The following COX7A1 variants were observed in gnomAD, a reference collection of about 807,000 sequenced individuals.
COX7A1 encodes cytochrome c oxidase subunit 7A1, also known as cytochrome c oxidase subunit 7A1, mitochondrial.
Under a neutral mutation model 13.2 loss-of-function variants are expected in COX7A1, and 21 were observed. The observed-to-expected ratio is 1.59, with a 90% CI of 1.13 to 2.29. The LOEUF is 2.29. Ranked by LOEUF, COX7A1 falls within the 30% of genes most tolerant of loss-of-function variation. The pLI is 0.00. For missense variants in COX7A1, 107 were observed against 100.0 expected (o/e 1.07, Z -0.30); for synonymous variants, 41 against 41.9 (o/e 0.98, Z 0.08).
intron 2 of COX7A1, 24 bp downstream of exon 2, chr19:36,151,645 T>TGCCCCCCCCCCCCCCC: frequency 1.2e-5 from 16 of 1,387,578 alleles, no homozygotes; most frequent in Non-Finnish European, 1.5e-5. Flanking sequence ...GCGCGTCGGA[T>TGCCCCCCCCCCCCCCC]CCCCACCCCC....
chr19:36,151,321 T>C, intron 3 of COX7A1, 141 bp downstream of exon 3: 1 of 869,430 alleles, frequency 1.2e-6, no homozygotes, highest in Non-Finnish European at 1.8e-6. Flanking sequence ...CCTGCAGGCC[T>C]GACTCCAGCT....
chr19:36,151,601 CCCCGCCTGCCCCGGCTCGGCGCGCT>C, intron 2 of COX7A1, 43 bp downstream of exon 2: 1 of 1,611,496 alleles, frequency 6.2e-7, no homozygotes, highest in South Asian at 1.1e-5. Context: ...TTAGAGCGCG[CCCCGCCTGCCCCGGCTCGGCGCGCT>C]CCCGGCTGGC....
intron 1 of COX7A1, 120 bp downstream of exon 1, chr19:36,152,251 ACCCAGGCTGTTTAGCGGGGAGT>A: frequency 1.7e-6 from 1 of 578,614 alleles, no homozygotes; most frequent in Non-Finnish European, 2.8e-6. Context: ...GGGGGAAGGG[ACCCAGGCTGTTTAGCGGGGAGT>A]CCCAGGCCCT....
In COX7A1 at chr19:36,151,932, G is replaced by A. The variant is rs1264599051; in HGVS notation, c.16-177C>T. On this transcript the variant is annotated intron_variant, in intron 1 of 3. Transcript: ENST00000292907. ...CGAACTGCCAGCTGGGTTGGGAGGG[G>A]ACTCGCCCTGGAGTCTGGCCTGGGG... 9.5e-6 allele frequency: 7 copies of A among 734,302 alleles called. No individual in the cohort carries two copies. In the South Asian group the frequency reaches 1.0e-4, roughly 11 times the overall value. The allele number at this position is 734,302 out of a possible 1,614,324, so 45.5% of individuals were successfully genotyped here. A position where few individuals can be genotyped will look rare whatever the true frequency, so the allele number is the denominator to read the frequency against.
Position 36,151,737 on chromosome 19 carries a change from G to C in COX7A1, c.34C>G (p.Arg12Gly). ...TTCCGGGCGGTGGAGCTGAAGGAGC[G>C]GATCAGCGCCTGGGACACCTGCGGG... is the stretch of plus-strand genomic sequence containing the variant. ...QALRVSQALI[R>G]SFSSTARNRF... The change falls in exon 2 of 4, where the codon CGC becomes GGC. Residue 12 changes from arginine (R) to glycine (G), a missense_variant. Physicochemically the swap from Arg to Gly is moderately radical, Grantham distance 125. Coordinates refer to ENST00000292907, the MANE Select transcript of COX7A1 (RefSeq NM_001864.4). 1 of 1,605,276 alleles carries C rather than the reference G, an allele frequency of 6.2e-7. No homozygotes were observed. Among genetic ancestry groups the C allele is most frequent in the African/African-American group, 1.3e-5 (1 of 74,748 alleles).
chr19:36,152,402 C>A lies in COX7A1; in HGVS notation c.6G>T (p.Gln2His). Residue 2 changes from glutamine to histidine, a missense_variant, in exon 1 of 4, where the codon CAG becomes CAT. Coordinates refer to ENST00000292907, the MANE Select transcript of COX7A1 (RefSeq NM_001864.4). MQALRVSQALIR... is the reference protein window; with the variant it reads MHALRVSQALIR... ...CCCATGGGGGCCTCACCCGAAGGGC[C>A]TGCATTCTGCCTTGTCCTCTTCCGC... is the stretch of plus-strand genomic sequence containing the variant. 7.3e-7 allele frequency: 1 copy of A among 1,372,802 alleles called. No individual in the cohort carries two copies. Among genetic ancestry groups the A allele is most frequent in the Non-Finnish European group, 9.5e-7 (1 of 1,052,150 alleles). 85.0% of individuals were successfully genotyped at this position (1,372,802 alleles called of 1,614,324 possible). A position where few individuals can be genotyped will look rare whatever the true frequency, so the allele number is the denominator to read the frequency against.
In COX7A1 at chr19:36,151,459, C is replaced by G; in HGVS notation, c.187+3G>C. On this transcript the variant is annotated splice_donor_region_variant and intron_variant, in intron 3 of 3. Transcript: ENST00000292907. The stretch of plus-strand genomic sequence containing the variant: ...CCGCAGCCCAGACGGGCCCTGCGCT[C>G]ACCGCCCAGACACAGCGTCATTGTC... 1.2e-6 allele frequency: 2 copies of G among 1,614,176 alleles called. No individual in the cohort carries two copies. Among genetic ancestry groups the G allele is most frequent in the Non-Finnish European group, 1.7e-6 (2 of 1,180,016 alleles).
At chr19:36,151,895 T>A in intron 1 of COX7A1, 140 bp from the exon 2 acceptor site, 1 of 821,632 alleles carries the variant, frequency 1.2e-6, no homozygotes, top group Non-Finnish European at 2.1e-6. Flanking sequence ...ATAGCTTGGA[T>A]TCTGTTACCC....
rs112834485 is a variant in COX7A1, at chr19:36,151,659, G to GT, written c.102+9_102+10insA. 1.4e-5 allele frequency: 18 copies of GT among 1,310,794 alleles called. No individual in the cohort carries two copies. Among genetic ancestry groups the GT allele is most frequent in the Admixed American group, 2.0e-5 (1 of 50,528 alleles). The allele number at this position is 1,310,794 out of a possible 1,614,324, so 81.2% of individuals were successfully genotyped here. Reference sequence around the variant, plus strand: ...GGCGCGTCGGATCCCCACCCCCCCCGACCCCCCACCTGGAAGAGCTTCTGT... The same window carrying GT: ...GGCGCGTCGGATCCCCACCCCCCCCGTACCCCCCACCTGGAAGAGCTTCTGT... On this transcript the variant is annotated intron_variant, in intron 2 of 3. Transcript: ENST00000292907.
chr19:36,151,028 A>T lies in COX7A1; in HGVS notation c.194T>A (p.Val65Asp), dbSNP rs1180388985. The change falls in exon 4 of 4, where the codon GTC (valine) becomes GAC (aspartate). Residue 65 changes from valine (V) to aspartate (D), a missense_variant. Transcript: ENST00000292907. ...CCAGCCAAGGGAGTACAAGCTGTAG[A>T]CAGTGCCTAGAAAGGGGAAGCGTTG... ...VTMTLCLGGT[V>D]YSLYSLGWAS... 1 of 1,613,820 alleles carries T rather than the reference A, an allele frequency of 6.2e-7. No homozygotes were observed. Among genetic ancestry groups the T allele is most frequent in the Non-Finnish European group, 8.5e-7 (1 of 1,179,828 alleles).
chr19:36,151,671 G>A lies in COX7A1; in HGVS notation c.100C>T (p.Gln34Ter). 1 of 717,454 alleles carries A rather than the reference G, an allele frequency of 1.4e-6. No homozygotes were observed. The highest frequency in any genetic ancestry group is 2.2e-6 in the Non-Finnish European group (1 of 463,306). 44.4% of individuals were successfully genotyped at this position (717,454 alleles called of 1,614,324 possible). A position where few individuals can be genotyped will look rare whatever the true frequency, so the allele number is the denominator to read the frequency against. Residue 34 changes from glutamine (Q) to a stop codon, truncating the protein, a stop_gained and splice_region_variant, in exon 2 of 4, where the codon CAG becomes TAG. Coordinates refer to ENST00000292907, the MANE Select transcript of COX7A1 (RefSeq NM_001864.4). LOFTEE classifies it high-confidence loss of function. ...CCCCACCCCCCCCGACCCCCCACCT[G>A]GAAGAGCTTCTGTTTCTCGCGCACT... ...NRVREKQKLF[Q>*]EDNDIPLYLK...
In COX7A1 at chr19:36,151,447, G is replaced by A. The variant is rs80050273; in HGVS notation, c.187+15C>T. The A allele has an allele frequency of 6.2e-6, 10 of 1,613,662 alleles. No homozygotes were observed. The Middle Eastern group carries it at 5.0e-4, about 80-fold the overall frequency. ...GCCCCGCCTCCCCCGCAGCCCAGAC[G>A]GGCCCTGCGCTCACCGCCCAGACAC... On this transcript the variant is annotated intron_variant, in intron 3 of 3. Coordinates refer to ENST00000292907, the MANE Select transcript of COX7A1 (RefSeq NM_001864.4).
chr19:36,151,645 T>TCC, intron 2 of COX7A1, 24 bp downstream of exon 2: 1 of 1,387,624 alleles, frequency 7.2e-7, no homozygotes. Context: ...GCGCGTCGGA[T>TCC]CCCCACCCCC....
chr19:36,151,681 C>G lies in COX7A1; in HGVS notation c.90G>C (p.Gln30His). 1 of 869,964 alleles carries G rather than the reference C, an allele frequency of 1.1e-6. No individual in the cohort carries two copies. 53.9% of individuals were successfully genotyped at this position (869,964 alleles called of 1,614,324 possible). A position where few individuals can be genotyped will look rare whatever the true frequency, so the allele number is the denominator to read the frequency against. The change falls in exon 2 of 4, where the codon CAG becomes CAC. Residue 30 changes from glutamine (Q) to histidine (H), a missense_variant. Coordinates refer to ENST00000292907, the MANE Select transcript of COX7A1 (RefSeq NM_001864.4). ...CCCGACCCCCCACCTGGAAGAGCTTCTGTTTCTCGCGCACTCGGTTCTGAA... is the reference window on the plus strand; with the variant it reads ...CCCGACCCCCCACCTGGAAGAGCTTGTGTTTCTCGCGCACTCGGTTCTGAA... ...NRFQNRVREK[Q>H]KLFQEDNDIP...
chr19:36,151,802 T>C (rs1481531128), intron 1 of COX7A1, 47 bp from the exon 2 acceptor site: 4 of 1,497,542 alleles, frequency 2.7e-6, no homozygotes, highest in Non-Finnish European at 3.7e-6. Context: ...TGGAGGGGTG[T>C]CCTGAAGTGG....
chr19:36,150,962 G>T lies in COX7A1; in HGVS notation c.*20C>A, dbSNP rs1568398344. 6.2e-7 allele frequency: 1 copy of T among 1,612,494 alleles called. No individual in the cohort carries two copies. Among genetic ancestry groups the T allele is most frequent in the Admixed American group, 1.7e-5 (1 of 60,004 alleles). On this transcript the variant is annotated 3_prime_UTR_variant, in exon 4 of 4. Transcript: ENST00000292907. ...ATTGACACTTGTTCAAGTCTCTCAG[G>T]CCCCCCAGGCTTCTTGGTCTTAATT... is the stretch of plus-strand genomic sequence containing the variant.
Position 36,151,033 on chromosome 19 carries a change from G to T in COX7A1, c.189C>A (p.Gly63=). The change falls in exon 4 of 4, where the codon GGC becomes GGA. Residue 63 remains glycine, a splice_region_variant and synonymous_variant. Coordinates refer to ENST00000292907, the MANE Select transcript of COX7A1 (RefSeq NM_001864.4). Reference sequence around the variant, plus strand: ...CAAGGGAGTACAAGCTGTAGACAGTGCCTAGAAAGGGGAAGCGTTGGAGAC... The same window carrying T: ...CAAGGGAGTACAAGCTGTAGACAGTTCCTAGAAAGGGGAAGCGTTGGAGAC... The part of the protein sequence containing the change: ...YRVTMTLCLG[G]TVYSLYSLGW... 6 of 1,613,648 alleles carry T rather than the reference G, an allele frequency of 3.7e-6. No individual in the cohort carries two copies. Among genetic ancestry groups the T allele is most frequent in the Non-Finnish European group, 5.1e-6 (6 of 1,179,762 alleles).
intron 1 of COX7A1, chr19:36,152,105 G>A (rs754845660): frequency 5.0e-6 from 3 of 594,418 alleles, no homozygotes; most frequent in Non-Finnish European, 9.1e-6. Context: ...GACCGGAATG[G>A]AGGTCCCCGG....
chr19:36,151,599 C>T (rs1440068084), intron 2 of COX7A1, 53 bp from the exon 3 acceptor site: 6 of 1,611,558 alleles, frequency 3.7e-6, no homozygotes, highest in Non-Finnish European at 5.1e-6. Flanking sequence ...CCTTAGAGCG[C>T]GCCCCGCCTG....
Sources: gnomAD v4.1 joint callset for allele counts on GRCh38, gnomAD v4.1.1 for gene constraint, MANE v1.5 for transcripts, NCBI Gene and HGNC (gene_info 2026-07-23, HGNC 2026-07-21) for gene names.